The following RANBP17 variants were observed in gnomAD, a reference collection of about 807,000 sequenced individuals.
RANBP17 encodes RAN binding protein 17.
A neutral mutation model predicts 141.2 loss-of-function variants in RANBP17; 158 were observed. The ratio of observed to expected loss-of-function variants is 1.12; its 90% CI spans 0.98 to 1.28. RANBP17 has a LOEUF of 1.28. Ranked by LOEUF, RANBP17 falls within the 50% of genes most tolerant of loss-of-function variation. The pLI is 0.00. For missense variants in RANBP17, 1,438 were observed against 1,290.7 expected, an observed-to-expected ratio of 1.11 and a Z score of -1.75; for synonymous variants, 430 against 450.0, an observed-to-expected ratio of 0.96 and a Z score of 0.56.
At chr5:170,934,725 G>C (rs1029957369) in intron 12 of RANBP17, among the ~76,000 whole-genome samples, 4 of 152,136 alleles carry the variant, frequency 2.6e-5, no homozygotes, top group Non-Finnish European at 5.9e-5. Context: ...TTTCTCTCTA[G>C]CTGCCCTTAA....
intron 12 of RANBP17, among the ~76,000 whole-genome samples, chr5:170,941,047 A>T (rs1446793800): frequency 6.6e-6 from 1 of 152,170 alleles, no homozygotes; most frequent in African/African-American, 2.4e-5. Flanking sequence ...TCTTGAGGAA[A>T]ATTTTAAAAT....
chr5:171,254,296 C>G (rs571093948), intron 24 of RANBP17, among the ~76,000 whole-genome samples: 2 of 151,078 alleles, frequency 1.3e-5, no homozygotes, highest in East Asian at 3.9e-4. Flanking sequence ...ATTAAAAATT[C>G]TAGTGCAGTG....
chr5:170,963,594 T>TTAGA (rs1489430307), intron 13 of RANBP17, among the ~76,000 whole-genome samples: 2 of 152,318 alleles, frequency 1.3e-5, no homozygotes, highest in East Asian at 3.9e-4. Flanking sequence ...TCACCAGGCA[T>TTAGA]TAGATTGTCA....
At chr5:170,994,971 A>G (rs976501867) in intron 14 of RANBP17, among the ~76,000 whole-genome samples, 1 of 152,070 alleles carries the variant, frequency 6.6e-6, no homozygotes, top group Non-Finnish European at 1.5e-5. Flanking sequence ...TAGAATAATA[A>G]CATTGCCTTT....
intron 14 of RANBP17, among the ~76,000 whole-genome samples, chr5:171,007,280 C>T (rs1433354359): frequency 6.6e-6 from 1 of 152,074 alleles, no homozygotes; most frequent in Non-Finnish European, 1.5e-5. Context: ...TCCTTCAGCT[C>T]CAGCCAACTC....
chr5:171,295,842 C>T (rs374770849), intron 26 of RANBP17, 45 bp from the exon 27 acceptor site: 162 of 1,598,270 alleles, frequency 1.0e-4, no homozygotes, highest in Admixed American at 1.2e-4. Flanking sequence ...TGTCTTCAGG[C>T]GGGACTTGGA....
At chr5:171,061,789 T>C (rs1310936653) in intron 14 of RANBP17, among the ~76,000 whole-genome samples, 1 of 152,192 alleles carries the variant, frequency 6.6e-6, no homozygotes, top group African/African-American at 2.4e-5. Flanking sequence ...TATTAATGTG[T>C]GGGAGTCTAA....
At chr5:171,016,784 C>A (rs1286644259) in intron 14 of RANBP17, among the ~76,000 whole-genome samples, 1 of 150,676 alleles carries the variant, frequency 6.6e-6, no homozygotes, top group Admixed American at 6.6e-5. Context: ...TTTTTTATGT[C>A]TTCTTTAAAA....
chr5:171,105,185 A>G (rs182798043), intron 14 of RANBP17, among the ~76,000 whole-genome samples: 7,828 of 150,338 alleles, frequency 0.052, 261 homozygotes, highest in East Asian at 0.12. Flanking sequence ...GATCGAGACC[A>G]TCCCGGCTAA....
intron 14 of RANBP17, among the ~76,000 whole-genome samples, chr5:170,973,304 G>A (rs1192939248): frequency 6.6e-6 from 1 of 152,056 alleles, no homozygotes; most frequent in African/African-American, 2.4e-5. Context: ...GTGAAAATTT[G>A]GATTAAGACT....
At chr5:170,967,144 G>A (rs1776630879) in intron 13 of RANBP17, among the ~76,000 whole-genome samples, 1 of 152,060 alleles carries the variant, frequency 6.6e-6, no homozygotes, top group Admixed American at 6.6e-5. Flanking sequence ...TGTGTAAAGA[G>A]CTCTAAGATT....
intron 14 of RANBP17, among the ~76,000 whole-genome samples, chr5:171,069,661 T>C (rs778968141): frequency 2.0e-5 from 3 of 152,196 alleles, no homozygotes; most frequent in Non-Finnish European, 4.4e-5. Context: ...AAAATAGAGT[T>C]TGTGTTAGGT....
intron 14 of RANBP17, among the ~76,000 whole-genome samples, chr5:171,053,923 AT>A (rs1561596748): frequency 1.4e-4 from 5 of 34,924 alleles, no homozygotes; most frequent in Non-Finnish European, 3.4e-4. Context: ...ATATATATAT[AT>A]AATTGCTGTA....
At chr5:171,007,833 A>C (rs1172952456) in intron 14 of RANBP17, among the ~76,000 whole-genome samples, 5 of 152,174 alleles carry the variant, frequency 3.3e-5, no homozygotes, top group Non-Finnish European at 7.4e-5. Flanking sequence ...TAAGTTCTTG[A>C]GAACACAGGC....
At chr5:170,967,927 G>GT (rs1246380170) in intron 13 of RANBP17, among the ~76,000 whole-genome samples, 1 of 151,326 alleles carries the variant, frequency 6.6e-6, no homozygotes, top group Non-Finnish European at 1.5e-5. Flanking sequence ...GTAGTATAGG[G>GT]TTTTTTATGT....
At chr5:171,290,242 G>A (rs1282688257) in intron 25 of RANBP17, among the ~76,000 whole-genome samples, 1 of 152,022 alleles carries the variant, frequency 6.6e-6, no homozygotes, top group East Asian at 1.9e-4. Flanking sequence ...GGTGGCACGT[G>A]CCTGTAATCC....
chr5:171,093,443 A>G (rs976335003), intron 14 of RANBP17, among the ~76,000 whole-genome samples: 2 of 152,300 alleles, frequency 1.3e-5, no homozygotes, highest in Non-Finnish European at 2.9e-5. Context: ...ATGAAAAAAA[A>G]ATCAGTTTCT....
At chr5:170,957,671 A>C (rs753603393) in intron 13 of RANBP17, among the ~76,000 whole-genome samples, 1 of 152,074 alleles carries the variant, frequency 6.6e-6, no homozygotes, top group Non-Finnish European at 1.5e-5. Context: ...TGGTGCTTTC[A>C]GTGTTTAAAA....
chr5:171,026,044 G>A lies in RANBP17; in HGVS notation c.1710+57667G>A, dbSNP rs150474186. 8.9e-3 allele frequency among the ~76,000 whole-genome samples: 1,356 copies of A among 152,220 alleles called. 13 individuals are homozygous for A. Among genetic ancestry groups the A allele is most frequent in the Non-Finnish European group, 0.012 (847 of 68,010 alleles). ...ATCGACAGCACCAAGCACATTTTCT[G>A]ATACTAAATATTTGTGAAATGAAAT... On this transcript the variant is annotated intron_variant, in intron 14 of 27. Coordinates refer to ENST00000523189, the MANE Select transcript of RANBP17 (RefSeq NM_022897.5).
Sources: gnomAD v4.1 joint callset for allele counts (sites outside exome capture counted in the v4.1 genomes callset) on GRCh38, gnomAD v4.1.1 for gene constraint, MANE v1.5 for transcripts, NCBI Gene and HGNC (gene_info 2026-07-23, HGNC 2026-07-21) for gene names.